Variants in SMYD3 observed in about 807,000 individuals in gnomAD.
SMYD3 encodes histone-lysine N-methyltransferase SMYD3.
Under a neutral mutation model 57.7 loss-of-function variants are expected in SMYD3, and 36 were observed. The observed-to-expected ratio is 0.62, with a 90% CI of 0.48 to 0.82. The LOEUF (loss-of-function observed/expected upper bound fraction) is 0.82, where lower values mean the gene tolerates loss of function less well. Among genes scored for constraint, SMYD3 ranks in the 40% least tolerant of loss-of-function variants. The pLI is 0.00. For missense variants in SMYD3, 515 were observed against 538.8 expected (o/e 0.96, Z 0.44); for synonymous variants, 211 against 195.0 (o/e 1.08, Z -0.68).
chr1:246,478,387 AGTG>A (rs2068055813), intron 1 of SMYD3, among the ~76,000 whole-genome samples: 2 of 150,664 alleles, frequency 1.3e-5, no homozygotes, highest in African/African-American at 4.9e-5. Context: ...CTGGTACATA[AGTG>A]CTCATATATG....
intron 10 of SMYD3, among the ~76,000 whole-genome samples, chr1:245,795,626 C>T (rs2047489993): frequency 6.6e-6 from 1 of 152,146 alleles, no homozygotes; most frequent in African/African-American, 2.4e-5. Context: ...TCTAACCATG[C>T]CAGCTCACCA....
At chr1:245,960,511 T>A (rs1572794562) in intron 5 of SMYD3, among the ~76,000 whole-genome samples, 1 of 152,224 alleles carries the variant, frequency 6.6e-6, no homozygotes, top group African/African-American at 2.4e-5. Flanking sequence ...TCCCAGCACT[T>A]AGAAGGCCGA....
chr1:246,262,286 T>C (rs1353662199), intron 5 of SMYD3, among the ~76,000 whole-genome samples: 1 of 152,202 alleles, frequency 6.6e-6, no homozygotes, highest in Non-Finnish European at 1.5e-5. Context: ...AACTGAAGTC[T>C]AACGATATGG....
chr1:245,927,790 T>A, intron 7 of SMYD3, 141 bp downstream of exon 7: 1 of 640,454 alleles, frequency 1.6e-6, no homozygotes, highest in South Asian at 1.6e-5. Flanking sequence ...TGGGGAGAGG[T>A]GACTGAACTA....
intron 5 of SMYD3, among the ~76,000 whole-genome samples, chr1:246,229,631 T>C (rs2063381572): frequency 6.6e-6 from 1 of 152,116 alleles, no homozygotes; most frequent in Non-Finnish European, 1.5e-5. Flanking sequence ...GGTGCTAATA[T>C]CCAGCAAAGG....
At chr1:246,311,932 A>C (rs1166784477) in intron 5 of SMYD3, among the ~76,000 whole-genome samples, 1 of 152,228 alleles carries the variant, frequency 6.6e-6, no homozygotes, top group Non-Finnish European at 1.5e-5. Flanking sequence ...CTGGCAATGC[A>C]ACAATGGGAA....
At chr1:246,131,619 G>A (rs1333181714) in intron 5 of SMYD3, among the ~76,000 whole-genome samples, 1 of 152,100 alleles carries the variant, frequency 6.6e-6, no homozygotes, top group Non-Finnish European at 1.5e-5. Flanking sequence ...CATAAATTTC[G>A]GCTATAACTC....
At chr1:246,105,178 C>G (rs1383793102) in intron 5 of SMYD3, among the ~76,000 whole-genome samples, 6 of 152,236 alleles carry the variant, frequency 3.9e-5, no homozygotes. Flanking sequence ...TGAGACTGAT[C>G]AGATATGAAG....
intron 5 of SMYD3, among the ~76,000 whole-genome samples, chr1:246,178,585 T>C (rs183566622): frequency 1.3e-5 from 2 of 152,298 alleles, no homozygotes; most frequent in East Asian, 3.9e-4. Flanking sequence ...GACAAGTGCA[T>C]GCATGGCTAC....
intron 3 of SMYD3, among the ~76,000 whole-genome samples, chr1:246,333,921 A>G (rs2065499880): frequency 6.6e-6 from 1 of 152,118 alleles, no homozygotes; most frequent in Non-Finnish European, 1.5e-5. Context: ...AAAGGACAAG[A>G]ACAGACACTT....
chr1:246,045,989 G>A (rs2059956845), intron 5 of SMYD3, among the ~76,000 whole-genome samples: 1 of 152,176 alleles, frequency 6.6e-6, no homozygotes, highest in Non-Finnish European at 1.5e-5. Context: ...GTGCTGGAGA[G>A]GATGTGGAGA....
chr1:246,321,878 A>C lies in SMYD3; in HGVS notation c.531+5323T>G, dbSNP rs551257857. On this transcript the variant is annotated intron_variant, in intron 5 of 11. Coordinates refer to ENST00000490107, the MANE Select transcript of SMYD3 (RefSeq NM_001167740.2). ...ATCCTCCCACCTCAGCCTCCCAAGT[A>C]GCTGGAACTACAGGTGTGTACCACC... 2.5e-3 allele frequency: 383 copies of C among 152,504 alleles called. 2 individuals are homozygous for C. Among genetic ancestry groups the C allele is most frequent in the African/African-American group, 8.8e-3 (366 of 41,492 alleles). 9.4% of individuals were successfully genotyped at this position (152,504 alleles called of 1,614,324 possible).
intron 5 of SMYD3, among the ~76,000 whole-genome samples, chr1:246,263,022 T>C (rs1414219647): frequency 6.6e-6 from 1 of 152,196 alleles, no homozygotes; most frequent in Non-Finnish European, 1.5e-5. Flanking sequence ...GTCTCAAGAA[T>C]GCGTGATTTG....
At chr1:246,480,962 C>A (rs143849335) in intron 1 of SMYD3, among the ~76,000 whole-genome samples, 11,832 of 151,956 alleles carry the variant, frequency 0.078, 892 homozygotes, top group African/African-American at 0.2. Flanking sequence ...CCACACCCAG[C>A]TAATTTTTTG....
chr1:246,426,658 C>T (rs988198454), intron 1 of SMYD3, among the ~76,000 whole-genome samples: 4 of 152,098 alleles, frequency 2.6e-5, no homozygotes, highest in Non-Finnish European at 4.4e-5. Flanking sequence ...ATTACAATGC[C>T]TCCAACTGTT....
chr1:246,117,757 T>C (rs2061364146), intron 5 of SMYD3, among the ~76,000 whole-genome samples: 1 of 152,252 alleles, frequency 6.6e-6, no homozygotes, highest in African/African-American at 2.4e-5. Context: ...ACGTGTGCCA[T>C]GGTGGTTTGC....
At chr1:246,199,486 A>C (rs1037613781) in intron 5 of SMYD3, among the ~76,000 whole-genome samples, 3 of 152,268 alleles carry the variant, frequency 2.0e-5, no homozygotes, top group African/African-American at 7.2e-5. Context: ...TTTGGTATAC[A>C]GCCAACCAGG....
At chr1:245,756,105 T>C (rs2045592818) in intron 11 of SMYD3, among the ~76,000 whole-genome samples, 2 of 147,664 alleles carry the variant, frequency 1.4e-5, no homozygotes, top group South Asian at 4.2e-4. Context: ...ATATATATTT[T>C]ATATATATAT....
At chr1:246,079,272 T>A (rs2060598607) in intron 5 of SMYD3, among the ~76,000 whole-genome samples, 1 of 152,306 alleles carries the variant, frequency 6.6e-6, no homozygotes, top group East Asian at 1.9e-4. Flanking sequence ...GTTAAAAGAA[T>A]GTCTGAATGA....
Sources: allele counts gnomAD v4.1 joint callset (sites outside exome capture counted in the v4.1 genomes callset), GRCh38; gene constraint gnomAD v4.1.1; transcripts MANE v1.5; gene names NCBI Gene and HGNC (gene_info 2026-07-23, HGNC 2026-07-21).